ADGRL3: variants seen among roughly 807,000 people sequenced by gnomAD.
The protein encoded by ADGRL3 is calcium-independent alpha-latrotoxin receptor 3.
In ADGRL3, 62 loss-of-function variants were observed where a neutral mutation model predicts 153.5. The ratio of observed to expected loss-of-function variants is 0.40; its 90% CI spans 0.33 to 0.50. The LOEUF (loss-of-function observed/expected upper bound fraction) is 0.50. ADGRL3 is among the 20% of genes least tolerant of loss of function. The pLI is 0.47. For synonymous variants in ADGRL3, 710 were observed against 672.5 expected (o/e 1.06, Z -0.86); for missense variants, 1,641 against 1,859.4 (o/e 0.88, Z 2.16).
At chr4:61,905,934 G>C (rs1221382990) in intron 11 of ADGRL3, among the ~76,000 whole-genome samples, 1 of 151,114 alleles carries the variant, frequency 6.6e-6, no homozygotes, top group Non-Finnish European at 1.5e-5. Context: ...AGAAAATATT[G>C]ATTATATAAT....
chr4:61,251,004 T>C (rs1759013812), intron 1 of ADGRL3, among the ~76,000 whole-genome samples: 1 of 152,206 alleles, frequency 6.6e-6, no homozygotes, highest in African/African-American at 2.4e-5. Context: ...AACTAGATAA[T>C]TTAACTAGAG....
Position 61,813,794 on chromosome 4 carries a change from G to C in ADGRL3, c.1400-15G>C, listed in dbSNP as rs756663677. On this transcript the variant is annotated splice_polypyrimidine_tract_variant and intron_variant, in intron 8 of 26. Coordinates refer to ENST00000683033, the MANE Select transcript of ADGRL3 (RefSeq NM_001387552.1). The stretch of plus-strand genomic sequence containing the variant: ...ACGTATGATGTCTTCTTAACAATTT[G>C]TTTTGGGTCCACAGGGCAGGCACAT... The C allele has an allele frequency of 6.2e-7, 1 of 1,606,560 alleles. No homozygotes were observed. Among genetic ancestry groups the C allele is most frequent in the South Asian group, 1.1e-5 (1 of 90,888 alleles).
At chr4:61,929,031 TTAAAGA>T (rs1177159218) in intron 13 of ADGRL3, among the ~76,000 whole-genome samples, 1 of 152,052 alleles carries the variant, frequency 6.6e-6, no homozygotes, top group East Asian at 1.9e-4. Context: ...GATAATTCTG[TTAAAGA>T]TAAATAAATA....
intron 6 of ADGRL3, among the ~76,000 whole-genome samples, chr4:61,723,046 A>G (rs1359303362): frequency 6.6e-6 from 1 of 152,182 alleles, no homozygotes; most frequent in Non-Finnish European, 1.5e-5. Context: ...GACATTTTCC[A>G]TAGGAAGTTT....
At chr4:61,333,901 C>A (rs1451612606) in intron 1 of ADGRL3, among the ~76,000 whole-genome samples, 2 of 150,458 alleles carry the variant, frequency 1.3e-5, no homozygotes, top group Non-Finnish European at 3.0e-5. Context: ...CAGGCATGAG[C>A]CACTGTGCCC....
At chr4:61,502,897 A>G (rs2098401537) in intron 3 of ADGRL3, among the ~76,000 whole-genome samples, 1 of 152,154 alleles carries the variant, frequency 6.6e-6, no homozygotes, top group Admixed American at 6.6e-5. Flanking sequence ...CATCCTTGAA[A>G]TGTTTATAAC....
chr4:61,427,109 C>T (rs537907719), intron 2 of ADGRL3: 1 of 126,554 alleles, frequency 7.9e-6, no homozygotes, highest in Non-Finnish European at 1.9e-5. Flanking sequence ...GCCAGAGAGC[C>T]GAAAGCACTC....
chr4:61,786,877 T>TA lies in ADGRL3; in HGVS notation c.1400-26925dup, dbSNP rs528917063. Among the ~76,000 whole-genome samples, 661 of 152,178 alleles carry TA rather than the reference T, an allele frequency of 4.3e-3. 3 individuals are homozygous for TA. Among genetic ancestry groups the TA allele is most frequent in the Non-Finnish European group, 6.4e-3 (437 of 67,970 alleles). ...GACAACTCTCATTTTATAGTGGCAA[T>TA]AAAAAAATAGATATTTGTGAAGTCT... On this transcript the variant is annotated intron_variant, in intron 8 of 26. Transcript: ENST00000683033.
intron 25 of ADGRL3, among the ~76,000 whole-genome samples, chr4:62,065,071 C>T (rs1742293049): frequency 6.6e-6 from 1 of 152,076 alleles, no homozygotes; most frequent in Non-Finnish European, 1.5e-5. Flanking sequence ...GCCCATCCCA[C>T]CTCAGAATCT....
chr4:61,393,300 TA>T (rs201446800), intron 2 of ADGRL3, among the ~76,000 whole-genome samples: 3,825 of 152,176 alleles, frequency 0.025, 67 homozygotes, highest in South Asian at 0.086. Flanking sequence ...TTAAAGACCT[TA>T]AAAAAATACT....
chr4:61,429,815 T>C (rs1340652212), intron 2 of ADGRL3, among the ~76,000 whole-genome samples: 1 of 152,110 alleles, frequency 6.6e-6, no homozygotes, highest in African/African-American at 2.4e-5. Flanking sequence ...GGAAATGAAG[T>C]AATTTTTTAA....
chr4:61,324,594 T>C (rs2095428586), intron 1 of ADGRL3, among the ~76,000 whole-genome samples: 1 of 152,204 alleles, frequency 6.6e-6, no homozygotes, highest in Admixed American at 6.5e-5. Context: ...TACATAGACT[T>C]GTTTTTATAA....
intron 2 of ADGRL3, among the ~76,000 whole-genome samples, chr4:61,431,825 A>G (rs1004321779): frequency 6.6e-6 from 1 of 152,230 alleles, no homozygotes; most frequent in Non-Finnish European, 1.5e-5. Context: ...ATAACATGTA[A>G]TAATAGTCAT....
At chr4:61,774,008 C>T (rs1194360721) in intron 8 of ADGRL3, among the ~76,000 whole-genome samples, 3 of 152,088 alleles carry the variant, frequency 2.0e-5, no homozygotes, top group African/African-American at 7.2e-5. Flanking sequence ...GTTTCAGTTA[C>T]CTGCGGTCAA....
intron 2 of ADGRL3, among the ~76,000 whole-genome samples, chr4:61,407,589 G>A (rs1050854417): frequency 6.6e-6 from 1 of 152,162 alleles, no homozygotes; most frequent in African/African-American, 2.4e-5. Context: ...AGTTTAACTT[G>A]CATCGTTTTA....
intron 1 of ADGRL3, among the ~76,000 whole-genome samples, chr4:61,348,960 T>C (rs999520653): frequency 2.0e-5 from 3 of 152,026 alleles, no homozygotes; most frequent in Non-Finnish European, 4.4e-5. Flanking sequence ...AAAACTATTA[T>C]TTTAACTGAG....
chr4:61,760,626 C>T (rs988449432), intron 8 of ADGRL3, among the ~76,000 whole-genome samples: 6 of 152,222 alleles, frequency 3.9e-5, no homozygotes, highest in Non-Finnish European at 7.3e-5. Context: ...ATGCCTCGCC[C>T]TGCTTCGGCT....
intron 4 of ADGRL3, among the ~76,000 whole-genome samples, chr4:61,586,130 G>A (rs2098945675): frequency 1.3e-5 from 2 of 151,990 alleles, no homozygotes; most frequent in African/African-American, 2.4e-5. Flanking sequence ...AGAAAGTATT[G>A]TTGATAGAAA....
chr4:61,482,095 G>T (rs1020530234), intron 2 of ADGRL3, among the ~76,000 whole-genome samples: 1 of 152,128 alleles, frequency 6.6e-6, no homozygotes, highest in African/African-American at 2.4e-5. Flanking sequence ...AGACTTGCTA[G>T]AAGAACCAAA....
Sources: allele counts gnomAD v4.1 joint callset (sites outside exome capture counted in the v4.1 genomes callset), GRCh38; gene constraint gnomAD v4.1.1; transcripts MANE v1.5; gene names NCBI Gene and HGNC (gene_info 2026-07-23, HGNC 2026-07-21).